Variants in ENTHD1 observed in about 807,000 individuals in gnomAD.
ENTHD1 encodes the protein ENTH domain-containing protein 1.
Under a neutral mutation model 39.1 loss-of-function variants are expected in ENTHD1, and 23 were observed. The observed-to-expected ratio is 0.59, with a 90% CI of 0.42 to 0.83. ENTHD1 has a LOEUF of 0.83. Ranked by LOEUF, ENTHD1 falls within the 40% of genes least tolerant of loss-of-function variation. ENTHD1 has a pLI of 0.00. For synonymous variants in ENTHD1, 230 were observed against 258.2 expected, an observed-to-expected ratio of 0.89 and a Z score of 1.05; for missense variants, 624 against 705.4, an observed-to-expected ratio of 0.88 and a Z score of 1.31.
intron 2 of ENTHD1, among the ~76,000 whole-genome samples, chr22:39,879,403 C>T (rs771526257): frequency 1.7e-4 from 21 of 124,738 alleles, no homozygotes; most frequent in Non-Finnish European, 3.2e-5. Context: ...GCAGAGCTTG[C>T]GGTGAGCCAA....
At chr22:39,763,330 C>T (rs897385713) in intron 6 of ENTHD1, among the ~76,000 whole-genome samples, 4 of 152,266 alleles carry the variant, frequency 2.6e-5, no homozygotes, top group East Asian at 1.9e-4. Flanking sequence ...TCATCCTGAA[C>T]GCATGTAGCT....
intron 2 of ENTHD1, among the ~76,000 whole-genome samples, chr22:39,866,242 T>C (rs1202947309): frequency 6.6e-6 from 1 of 152,162 alleles, no homozygotes; most frequent in South Asian, 2.1e-4. Context: ...ATCAAATTAG[T>C]AGAGCAACTA....
intron 5 of ENTHD1, among the ~76,000 whole-genome samples, chr22:39,794,399 C>T (rs1164423862): frequency 2.6e-5 from 4 of 152,162 alleles, no homozygotes; most frequent in African/African-American, 7.2e-5. Flanking sequence ...ATGTCATCTG[C>T]AAAGACAAAC....
At chr22:39,821,136 G>A (rs1318847201) in intron 4 of ENTHD1, 23 bp from the exon 5 acceptor site, 3 of 1,611,844 alleles carry the variant, frequency 1.9e-6, no homozygotes, top group African/African-American at 1.3e-5. Flanking sequence ...ACAAGAACAT[G>A]AGAATTGAAG....
At chr22:39,845,918 TCTA>T (rs1412440094) in intron 3 of ENTHD1, among the ~76,000 whole-genome samples, 2 of 151,954 alleles carry the variant, frequency 1.3e-5, no homozygotes, top group East Asian at 1.9e-4. Context: ...CCCCTCAAAA[TCTA>T]CTACAAAACT....
At chr22:39,875,476 G>A (rs2066281054) in intron 2 of ENTHD1, 6 of 1,557,116 alleles carry the variant, frequency 3.9e-6, no homozygotes, top group Middle Eastern at 1.7e-4. Flanking sequence ...CCGTGCGCCG[G>A]CCTTTGGTCG....
chr22:39,818,583 GT>G (rs1299497409), intron 5 of ENTHD1, among the ~76,000 whole-genome samples: 7 of 152,206 alleles, frequency 4.6e-5, no homozygotes, highest in Non-Finnish European at 1.5e-5. Context: ...AAAAGTACTT[GT>G]CTGGTACTAT....
intron 3 of ENTHD1, among the ~76,000 whole-genome samples, chr22:39,852,980 T>C (rs558448788): frequency 6.6e-6 from 1 of 152,324 alleles, no homozygotes; most frequent in East Asian, 1.9e-4. Flanking sequence ...AGCCCTGCCA[T>C]CTCATCTACA....
At chr22:39,874,992 C>G (rs945342034) in intron 2 of ENTHD1, among the ~76,000 whole-genome samples, 1 of 152,086 alleles carries the variant, frequency 6.6e-6, no homozygotes, top group African/African-American at 2.4e-5. Flanking sequence ...TCAGGATATA[C>G]CAAAGAGAAC....
At chr22:39,761,051 C>G (rs2065229189) in intron 6 of ENTHD1, among the ~76,000 whole-genome samples, 1 of 152,050 alleles carries the variant, frequency 6.6e-6, no homozygotes, top group Non-Finnish European at 1.5e-5. Context: ...CAGTGCTCAT[C>G]ATTTGTTTCT....
intron 6 of ENTHD1, among the ~76,000 whole-genome samples, chr22:39,757,102 A>G (rs954470709): frequency 1.3e-5 from 2 of 151,992 alleles, no homozygotes; most frequent in Admixed American, 6.6e-5. Context: ...GAGTCTTCCA[A>G]TCCATGAACA....
intron 5 of ENTHD1, among the ~76,000 whole-genome samples, chr22:39,787,053 C>G (rs79007452): frequency 6.6e-6 from 1 of 151,972 alleles, no homozygotes; most frequent in Non-Finnish European, 1.5e-5. Flanking sequence ...CTTCATGTCT[C>G]TGTCATATTT....
intron 6 of ENTHD1, among the ~76,000 whole-genome samples, chr22:39,762,121 G>T (rs993558973): frequency 6.6e-6 from 1 of 152,170 alleles, no homozygotes; most frequent in Non-Finnish European, 1.5e-5. Context: ...GTAAGCAAAA[G>T]CTGGTCTCAT....
intron 3 of ENTHD1, among the ~76,000 whole-genome samples, chr22:39,851,403 C>T (rs895450098): frequency 5.3e-5 from 8 of 152,070 alleles, no homozygotes; most frequent in African/African-American, 1.9e-4. Flanking sequence ...GTGATGCATG[C>T]GATTATATCC....
chr22:39,863,205 A>G (rs1364778159), intron 2 of ENTHD1, among the ~76,000 whole-genome samples: 1 of 151,904 alleles, frequency 6.6e-6, no homozygotes, highest in Non-Finnish European at 1.5e-5. Context: ...ACAGACAGGC[A>G]AGAATATAGG....
intron 2 of ENTHD1, among the ~76,000 whole-genome samples, chr22:39,885,692 G>A (rs1300042486): frequency 3.9e-5 from 6 of 152,180 alleles, no homozygotes; most frequent in South Asian, 2.1e-4. Context: ...ACATGACAAC[G>A]CTGAGGACAT....
At chr22:39,816,923 A>G (rs1437463327) in intron 5 of ENTHD1, among the ~76,000 whole-genome samples, 1 of 151,864 alleles carries the variant, frequency 6.6e-6, no homozygotes, top group Non-Finnish European at 1.5e-5. Context: ...ATATATAGAA[A>G]TATATCTGAT....
chr22:39,821,811 C>T (rs1378159315), intron 4 of ENTHD1, among the ~76,000 whole-genome samples: 1 of 152,188 alleles, frequency 6.6e-6, no homozygotes, highest in Non-Finnish European at 1.5e-5. Context: ...ACCTCCTAGA[C>T]AGTCATTTCT....
At chr22:39,887,292 G>T in intron 2 of ENTHD1, 108 bp downstream of exon 2, 3 of 928,448 alleles carry the variant, frequency 3.2e-6, no homozygotes, top group Non-Finnish European at 4.8e-6. Flanking sequence ...CCTCACTACA[G>T]CATCAAATGC....
Sources: gnomAD v4.1 joint callset for allele counts (sites outside exome capture counted in the v4.1 genomes callset) on GRCh38, gnomAD v4.1.1 for gene constraint, MANE v1.5 for transcripts, NCBI Gene and HGNC (gene_info 2026-07-23, HGNC 2026-07-21) for gene names.